NFASC: variants seen among roughly 807,000 people sequenced by gnomAD.
NFASC encodes neurofascin.
NFASC carries 43 observed loss-of-function variants against 147.5 expected under a neutral mutation model. The ratio of observed to expected loss-of-function variants is 0.29; its 90% CI spans 0.23 to 0.38. The LOEUF is 0.38. Among genes scored for constraint, NFASC ranks in the 10% least tolerant of loss-of-function variants. NFASC has a pLI of 1.00. For missense variants in NFASC, 1,320 were observed against 1,689.0 expected, an observed-to-expected ratio of 0.78 and a Z score of 3.83; for synonymous variants, 622 against 665.5, an observed-to-expected ratio of 0.93 and a Z score of 1.01.
At chr1:205,009,797 C>A in intron 28 of NFASC, 109 bp downstream of exon 28, 2 of 1,179,434 alleles carry the variant, frequency 1.7e-6, no homozygotes, top group Non-Finnish European at 1.2e-6. Flanking sequence ...GTGAAGCCAG[C>A]CCTTGCCCGG....
In NFASC at chr1:204,970,724, T is replaced by C; in HGVS notation, c.1112T>C (p.Met371Thr). ...AACCCCAAACCCACTGTCCAGTGGA[T>C]GGTGAATGGGGAACCTTTGCAATGT... ...NGNPKPTVQW[M>T]VNGEPLQSAP... is the part of the protein sequence containing the mutation. The change falls in exon 11 of 30, where the codon ATG becomes ACG. Residue 371 changes from methionine to threonine, a missense_variant. Transcript: ENST00000339876. 6.2e-7 allele frequency: 1 copy of C among 1,614,182 alleles called. No individual in the cohort carries two copies. The highest frequency in any genetic ancestry group is 8.5e-7 in the Non-Finnish European group (1 of 1,180,034).
At chr1:204,951,671 G>A (rs1462564406) in intron 4 of NFASC, among the ~76,000 whole-genome samples, 8 of 151,554 alleles carry the variant, frequency 5.3e-5, no homozygotes, top group Admixed American at 3.9e-4. Context: ...GGGTTTCACC[G>A]TGTTAGCCAG....
At chr1:204,990,729 G>A (rs909228532) in intron 23 of NFASC, among the ~76,000 whole-genome samples, 10 of 152,178 alleles carry the variant, frequency 6.6e-5, no homozygotes, top group African/African-American at 9.7e-5. Flanking sequence ...CCAAGGTTGC[G>A]ATGGTGTGGA....
chr1:204,853,617 G>A (rs761102365), intron 1 of NFASC, among the ~76,000 whole-genome samples: 13 of 152,166 alleles, frequency 8.5e-5, no homozygotes, highest in Non-Finnish European at 1.5e-4. Flanking sequence ...GGGTATATGT[G>A]CATGTGTCCT....
rs1291541510 is a variant in NFASC at position 205,021,379 on chromosome 1, G to T, written c.*4840G>T. The T allele has an allele frequency of 6.5e-6, 1 of 152,682 alleles. No individual in the cohort carries two copies. Among genetic ancestry groups the T allele is most frequent in the Non-Finnish European group, 1.5e-5 (1 of 68,060 alleles). 9.5% of individuals were successfully genotyped at this position (152,682 alleles called of 1,614,324 possible). On this transcript the variant is annotated 3_prime_UTR_variant, in exon 30 of 30. Coordinates refer to ENST00000339876, the MANE Select transcript of NFASC (RefSeq NM_001005388.3). Reference sequence around the variant, plus strand: ...GTCTCAGGCCTCACCTGAAGCTGCTGTTCCTCCTATCAGCACACTAGTATT... The same window carrying T: ...GTCTCAGGCCTCACCTGAAGCTGCTTTTCCTCCTATCAGCACACTAGTATT...
intron 1 of NFASC, among the ~76,000 whole-genome samples, chr1:204,893,259 G>T (rs2082745312): frequency 6.6e-6 from 1 of 152,152 alleles, no homozygotes; most frequent in African/African-American, 2.4e-5. Flanking sequence ...TAAATATGTT[G>T]TTTTTAAGGT....
At chr1:204,951,073 T>C (rs1050599212) in intron 4 of NFASC, among the ~76,000 whole-genome samples, 2 of 152,164 alleles carry the variant, frequency 1.3e-5, no homozygotes, top group Non-Finnish European at 2.9e-5. Context: ...GTGCACTGTA[T>C]GTTGTGCTAG....
chr1:205,016,656 A>G lies in NFASC; in HGVS notation c.*117A>G. On this transcript the variant is annotated 3_prime_UTR_variant, in exon 30 of 30. Coordinates refer to ENST00000339876, the MANE Select transcript of NFASC (RefSeq NM_001005388.3). This position sits in a 1 kb window ranked among gnomAD's most constrained non-coding sequence, Gnocchi z 5.1. ...CCACCTTCAGTAACAAGGGTACGAT[A>G]TGGGGGTCTGCCAAGCTGTGAGGAC... 1.3e-6 allele frequency: 1 copy of G among 766,682 alleles called. No homozygotes were observed. The highest frequency in any genetic ancestry group is 1.4e-5 in the South Asian group (1 of 69,088). The allele number at this position is 766,682 out of a possible 1,614,324, so 47.5% of individuals were successfully genotyped here.
chr1:204,935,960 G>A (rs2092782324), intron 2 of NFASC, among the ~76,000 whole-genome samples: 1 of 152,012 alleles, frequency 6.6e-6, no homozygotes, highest in South Asian at 2.1e-4. Context: ...CCTTTACTGT[G>A]GTTCTTCCTT....
In NFASC at chr1:204,987,097, T is replaced by C; in HGVS notation, c.2471-321T>C. ...TCTACCTAGGAATGGCTCTGCCCAA[T>C]TTCGAGGTATCTTTGCAGAATCAGA... On this transcript the variant is annotated intron_variant, in intron 21 of 29. Coordinates refer to ENST00000339876, the MANE Select transcript of NFASC (RefSeq NM_001005388.3). The surrounding 1 kb of genome is among the most constrained non-coding windows in gnomAD (Gnocchi z 4.4). 2.7e-6 allele frequency: 1 copy of C among 366,388 alleles called. No homozygotes were observed. Among genetic ancestry groups the C allele is most frequent in the Non-Finnish European group, 5.0e-6 (1 of 199,236 alleles). 22.7% of individuals were successfully genotyped at this position (366,388 alleles called of 1,614,324 possible).
chr1:204,910,485 C>A (rs964509844), intron 1 of NFASC, among the ~76,000 whole-genome samples: 2 of 147,450 alleles, frequency 1.4e-5, no homozygotes, highest in Non-Finnish European at 3.0e-5. Context: ...TTCTGTTGTC[C>A]AGGCAGGAAT....
chr1:204,834,447 C>T lies in NFASC; in HGVS notation c.-200+5665C>T, dbSNP rs568181956. On this transcript the variant is annotated intron_variant, in intron 1 of 29. Transcript: ENST00000339876. Reference sequence around the variant, plus strand: ...ATGGTAGGGTCATGCCCTCACTCCCCTATCATCCCCTCCCGGCTCCTGCTG... The same window carrying T: ...ATGGTAGGGTCATGCCCTCACTCCCTTATCATCCCCTCCCGGCTCCTGCTG... Among the ~76,000 whole-genome samples the T allele has an allele frequency of 2.6e-5, 4 of 152,218 alleles. No individual in the cohort carries two copies. In the East Asian group the frequency reaches 7.7e-4, roughly 29 times the overall value.
At chr1:204,925,364 G>A (rs1045114002) in intron 2 of NFASC, among the ~76,000 whole-genome samples, 2 of 152,138 alleles carry the variant, frequency 1.3e-5, no homozygotes, top group African/African-American at 2.4e-5. Context: ...TAGGTGGGAG[G>A]GAAACTCAGG....
At chr1:204,988,134 G>T (rs1488178577) in intron 22 of NFASC, among the ~76,000 whole-genome samples, 1 of 152,338 alleles carries the variant, frequency 6.6e-6, no homozygotes, top group East Asian at 1.9e-4. Flanking sequence ...AACTCAAAGA[G>T]CCAAATGTTG....
At chr1:204,908,129 G>A (rs1264564297) in intron 1 of NFASC, among the ~76,000 whole-genome samples, 2 of 151,970 alleles carry the variant, frequency 1.3e-5, no homozygotes, top group East Asian at 3.9e-4. Flanking sequence ...CTACAGGCAC[G>A]CACCACTATG....
chr1:204,996,051 T>G (rs929346459), intron 24 of NFASC, among the ~76,000 whole-genome samples: 1 of 152,060 alleles, frequency 6.6e-6, no homozygotes. Context: ...CTCATTCTCA[T>G]ACTCTCAGCT....
chr1:204,906,796 C>T (rs187798814), intron 1 of NFASC, among the ~76,000 whole-genome samples: 1 of 151,960 alleles, frequency 6.6e-6, no homozygotes, highest in Non-Finnish European at 1.5e-5. Context: ...CATTCTCCTG[C>T]CTCAGCCTCC....
At chr1:204,990,022 A>T (rs190840898) in intron 23 of NFASC, 3 of 152,300 alleles carry the variant, frequency 2.0e-5, no homozygotes, top group African/African-American at 7.2e-5. Context: ...CCGCTGCGTC[A>T]CCCCGGGATC....
intron 27 of NFASC, among the ~76,000 whole-genome samples, chr1:205,007,537 G>A (rs1259719213): frequency 6.6e-6 from 1 of 152,038 alleles, no homozygotes; most frequent in Non-Finnish European, 1.5e-5. Context: ...AATAGATAAT[G>A]ATAGATCTAT....
Sources: allele counts gnomAD v4.1 joint callset (sites outside exome capture counted in the v4.1 genomes callset), GRCh38; gene constraint gnomAD v4.1.1; non-coding constraint Gnocchi (gnomAD v3.1); transcripts MANE v1.5; gene names NCBI Gene and HGNC (gene_info 2026-07-23, HGNC 2026-07-21).